WSCD2: variants seen among roughly 807,000 people sequenced by gnomAD.
The protein encoded by WSCD2 is WSC domain sialate O sulfotransferase 2, also known as sialate:O-sulfotransferase 2.
Under a neutral mutation model 55.7 loss-of-function variants are expected in WSCD2, and 28 were observed. The ratio of observed to expected loss-of-function variants is 0.50; its 90% confidence interval spans 0.37 to 0.69. WSCD2 has a LOEUF of 0.69. Among genes scored for constraint, WSCD2 ranks in the 30% least tolerant of loss-of-function variants. WSCD2 has a pLI of 0.00. For missense variants in WSCD2, 616 were observed against 762.1 expected (o/e 0.81, Z 2.26); for synonymous variants, 301 against 301.9 (o/e 1.00, Z 0.03).
chr12:108,144,706 C>T (rs190856921), intron 1 of WSCD2, among the ~76,000 whole-genome samples: 3 of 152,282 alleles, frequency 2.0e-5, no homozygotes, highest in Admixed American at 2.0e-4. Flanking sequence ...AACTGCAGCC[C>T]CAGCAGCCTG....
At chr12:108,179,452 C>G (rs770302048) in intron 1 of WSCD2, among the ~76,000 whole-genome samples, 1 of 152,198 alleles carries the variant, frequency 6.6e-6, no homozygotes, top group Non-Finnish European at 1.5e-5. Context: ...GCAGCAAGCA[C>G]GTGGCTAATG....
intron 8 of WSCD2, 28 bp downstream of exon 8, chr12:108,240,572 A>C: frequency 5.8e-6 from 1 of 173,800 alleles, no homozygotes; most frequent in Non-Finnish European, 1.0e-5. Flanking sequence ...AGGGGAGGGG[A>C]GGGGAGGGGC....
chr12:108,202,906 T>C (rs950274605), intron 2 of WSCD2, among the ~76,000 whole-genome samples: 4 of 152,226 alleles, frequency 2.6e-5, no homozygotes, highest in African/African-American at 4.8e-5. Flanking sequence ...GATGGACCTA[T>C]GGTAAAAATC....
intron 5 of WSCD2, among the ~76,000 whole-genome samples, chr12:108,226,056 T>C (rs1888052988): frequency 6.6e-6 from 1 of 151,884 alleles, no homozygotes; most frequent in Non-Finnish European, 1.5e-5. Context: ...GGTGTGATGG[T>C]GATATGGGAC....
intron 4 of WSCD2, among the ~76,000 whole-genome samples, chr12:108,218,605 C>T (rs887271128): frequency 9.9e-5 from 15 of 152,190 alleles, no homozygotes; most frequent in African/African-American, 3.4e-4. Flanking sequence ...TGTGTGCCAC[C>T]CACAGGCCCT....
At chr12:108,230,289 C>T (rs558292390) in intron 6 of WSCD2, among the ~76,000 whole-genome samples, 4 of 152,258 alleles carry the variant, frequency 2.6e-5, no homozygotes, top group Admixed American at 6.5e-5. Flanking sequence ...TACTTGGCTT[C>T]GACACAGATG....
At chr12:108,212,084 A>G (rs979511201) in intron 4 of WSCD2, among the ~76,000 whole-genome samples, 1 of 152,110 alleles carries the variant, frequency 6.6e-6, no homozygotes, top group African/African-American at 2.4e-5. Context: ...CCCCATAGTC[A>G]CATCAGTTCA....
At chr12:108,207,461 C>G (rs1431526443) in intron 3 of WSCD2, among the ~76,000 whole-genome samples, 3 of 151,768 alleles carry the variant, frequency 2.0e-5, no homozygotes, top group African/African-American at 2.4e-5. Context: ...CCTCCGCCTC[C>G]CGGGTTCAAG....
At chr12:108,145,076 T>G (rs867844751) in intron 1 of WSCD2, among the ~76,000 whole-genome samples, 17 of 152,230 alleles carry the variant, frequency 1.1e-4, no homozygotes, top group Admixed American at 2.6e-4. Flanking sequence ...ACTCACTTAC[T>G]ATGTCATCTC....
rs1437726345 is a variant in WSCD2, at chr12:108,248,510, G to A, written c.*167G>A. ...TTCCTGCATGACAGAGGAGGCTCAAGGGAAGAGATTGCCCAGGCACTACCA... is the reference window on the plus strand; with the variant it reads ...TTCCTGCATGACAGAGGAGGCTCAAAGGAAGAGATTGCCCAGGCACTACCA... On this transcript the variant is annotated 3_prime_UTR_variant, in exon 9 of 9. Coordinates refer to ENST00000547525, the MANE Select transcript of WSCD2 (RefSeq NM_014653.4). The surrounding 1 kb of genome is among the most constrained non-coding windows in gnomAD (Gnocchi z 4.3). The A allele has an allele frequency of 2.1e-6, 3 of 1,423,812 alleles. No individual in the cohort carries two copies. Among genetic ancestry groups the A allele is most frequent in the East Asian group, 5.0e-5 (2 of 39,606 alleles). The allele number at this position is 1,423,812 out of a possible 1,614,324, so 88.2% of individuals were successfully genotyped here.
intron 1 of WSCD2, among the ~76,000 whole-genome samples, chr12:108,153,631 A>C (rs1878240957): frequency 6.6e-6 from 1 of 152,190 alleles, no homozygotes; most frequent in Non-Finnish European, 1.5e-5. Context: ...GAAACCTAGA[A>C]AAATTAGCTC....
intron 2 of WSCD2, 42 bp downstream of exon 2, chr12:108,196,256 A>T: frequency 6.4e-7 from 1 of 1,556,772 alleles, no homozygotes; most frequent in Non-Finnish European, 8.7e-7. Context: ...GCTGGGGAGA[A>T]GGGAGGAGAT....
At chr12:108,173,810 C>CTCTCTG (rs376999073) in intron 1 of WSCD2, among the ~76,000 whole-genome samples, 23,592 of 131,034 alleles carry the variant, frequency 0.18, 2,223 homozygotes, top group Non-Finnish European at 0.23. Context: ...TCCTGGCTCT[C>CTCTCTG]TGTGTGTGTG....
intron 8 of WSCD2, chr12:108,244,526 C>T (rs994711418): frequency 3.6e-5 from 25 of 702,844 alleles, no homozygotes; most frequent in Middle Eastern, 2.3e-4. Flanking sequence ...TCCCAGGAGC[C>T]GTACCAGGAT....
At chr12:108,135,761 G>T (rs1207493274) in intron 1 of WSCD2, among the ~76,000 whole-genome samples, 1 of 152,226 alleles carries the variant, frequency 6.6e-6, no homozygotes. Flanking sequence ...GCTTGGAATG[G>T]TCTAGAATAG....
chr12:108,173,810 C>CTCTGTGTGTGTGTGTGTG (rs376999073), intron 1 of WSCD2, among the ~76,000 whole-genome samples: 39 of 131,234 alleles, frequency 3.0e-4, no homozygotes, highest in African/African-American at 7.3e-4. Flanking sequence ...TCCTGGCTCT[C>CTCTGTGTGTGTGTGTGTG]TGTGTGTGTG....
At chr12:108,220,139 G>T (rs1887321566) in intron 4 of WSCD2, among the ~76,000 whole-genome samples, 1 of 152,186 alleles carries the variant, frequency 6.6e-6, no homozygotes, top group South Asian at 2.1e-4. Flanking sequence ...GACATTCCTA[G>T]GTTGGAATCC....
At chr12:108,170,738 C>A (rs1880157247) in intron 1 of WSCD2, among the ~76,000 whole-genome samples, 1 of 152,202 alleles carries the variant, frequency 6.6e-6, no homozygotes, top group Non-Finnish European at 1.5e-5. Flanking sequence ...TGTAGCCCCA[C>A]TTGATCCTCC....
Position 108,240,428 on chromosome 12 carries a change from C to T in WSCD2, c.1229C>T (p.Ala410Val). 6.2e-7 allele frequency: 1 copy of T among 1,614,168 alleles called. No individual in the cohort carries two copies. Among genetic ancestry groups the T allele is most frequent in the Non-Finnish European group, 8.5e-7 (1 of 1,180,040 alleles). ...GAAAGCGGCCAGAAAGAGATCGAGG[C>T]CTTCGACGCCGCCATCCTGCTCATC... ...THESGQKEIEAFDAAILLIRN... is the reference protein window; with the variant it reads ...THESGQKEIEVFDAAILLIRN... Residue 410 changes from alanine to valine, a missense_variant, in exon 8 of 9, where the codon GCC becomes GTC. Coordinates refer to ENST00000547525, the MANE Select transcript of WSCD2 (RefSeq NM_014653.4).
Sources: gnomAD v4.1 joint callset for allele counts (sites outside exome capture counted in the v4.1 genomes callset) on GRCh38, gnomAD v4.1.1 for gene constraint, Gnocchi (gnomAD v3.1) non-coding constraint, MANE v1.5 for transcripts, NCBI Gene and HGNC (gene_info 2026-07-23, HGNC 2026-07-21) for gene names.